Variants in GFRA1 observed in about 807,000 individuals in gnomAD.
GFRA1 encodes GDNF family receptor alpha-1.
GFRA1 carries 16 observed loss-of-function variants against 51.6 expected under a neutral mutation model. The observed-to-expected ratio is 0.31, with a 90% CI of 0.21 to 0.47. GFRA1 has a LOEUF of 0.47. Among genes scored for constraint, GFRA1 ranks in the 20% least tolerant of loss-of-function variants. GFRA1 has a pLI of 1.00. For missense variants in GFRA1, 530 were observed against 594.3 expected (o/e 0.89, Z 1.13); for synonymous variants, 270 against 241.3 (o/e 1.12, Z -1.10).
At chr10:116,117,593 A>ATGGATGGATGGG (rs1555152598) in intron 6 of GFRA1, among the ~76,000 whole-genome samples, 25 of 119,608 alleles carry the variant, frequency 2.1e-4, no homozygotes, top group African/African-American at 5.8e-4. Context: ...GGATGGATGG[A>ATGGATGGATGGG]TGGATGGGTG....
intron 5 of GFRA1, among the ~76,000 whole-genome samples, chr10:116,183,353 C>T (rs574323549): frequency 8.5e-4 from 129 of 152,330 alleles, no homozygotes; most frequent in Middle Eastern, 3.4e-3. Context: ...CTCACTGAGA[C>T]TTTAAATGTG....
chr10:116,234,057 C>T (rs1006849184), intron 4 of GFRA1, among the ~76,000 whole-genome samples: 4 of 152,140 alleles, frequency 2.6e-5, no homozygotes, highest in African/African-American at 9.7e-5. Context: ...CTTTGGGAGA[C>T]GGCTGAACTG....
chr10:116,084,979 C>T (rs1192334124), intron 9 of GFRA1, among the ~76,000 whole-genome samples: 1 of 152,212 alleles, frequency 6.6e-6, no homozygotes, highest in Non-Finnish European at 1.5e-5. Flanking sequence ...CTGTGCCATG[C>T]TTGTCACTAA....
intron 4 of GFRA1, among the ~76,000 whole-genome samples, chr10:116,237,516 T>C (rs1966969561): frequency 6.6e-6 from 1 of 151,236 alleles, no homozygotes; most frequent in African/African-American, 2.4e-5. Context: ...ATGATGCCTG[T>C]TATGCAGCAG....
chr10:116,087,995 A>G (rs1040513560), intron 9 of GFRA1, among the ~76,000 whole-genome samples: 13 of 152,082 alleles, frequency 8.5e-5, no homozygotes, highest in Non-Finnish European at 1.6e-4. Flanking sequence ...AGAAGTATGA[A>G]GCACATCTGT....
rs1168443247 is a variant in GFRA1 at position 116,096,701 on chromosome 10, T to C, written c.834A>G (p.Leu278=). ...QPESRSVSSC[L]KENYADCLLA... is the part of the protein sequence containing the mutation. The stretch of plus-strand genomic sequence containing the variant: ...GGAGGCAGTCAGCGTAGTTTTCCTT[T>C]AGACAGCTGCTGACAGACCTTGACT... Residue 278 remains leucine (L), a synonymous_variant, in exon 7 of 11, where the codon CTA becomes CTG. Transcript: ENST00000355422. The C allele has an allele frequency of 6.2e-7, 1 of 1,612,822 alleles. No homozygotes were observed. Among genetic ancestry groups the C allele is most frequent in the Admixed American group, 1.7e-5 (1 of 59,996 alleles).
chr10:116,163,134 AT>A (rs1247737103), intron 5 of GFRA1, among the ~76,000 whole-genome samples: 1 of 152,234 alleles, frequency 6.6e-6, no homozygotes. Flanking sequence ...GAACCTGTTC[AT>A]AAAGAAGGTC....
chr10:116,078,964 C>T (rs1005223551), intron 9 of GFRA1, among the ~76,000 whole-genome samples: 29 of 152,136 alleles, frequency 1.9e-4, no homozygotes, highest in Admixed American at 2.0e-4. Flanking sequence ...CTCCTCCGTC[C>T]TCAAAGCCAT....
chr10:116,232,042 T>A (rs755794170), intron 4 of GFRA1, among the ~76,000 whole-genome samples: 4 of 152,186 alleles, frequency 2.6e-5, no homozygotes, highest in Non-Finnish European at 5.9e-5. Context: ...ACTGATCATC[T>A]TCTTCTTCCT....
Position 116,085,316 on chromosome 10 carries a change from C to T in GFRA1, c.1197+4425G>A, listed in dbSNP as rs1198715612. Among the ~76,000 whole-genome samples the T allele has an allele frequency of 2.0e-5, 3 of 152,220 alleles. No individual in the cohort carries two copies. In the East Asian group the frequency reaches 5.8e-4, roughly 29 times the overall value. On this transcript the variant is annotated intron_variant, in intron 9 of 10. Transcript: ENST00000355422. ...ATGTTAAGACTGAAACTCAAGTCCCCAAGAGTTTTCTCATATTATTGTATA... is the reference window on the plus strand; with the variant it reads ...ATGTTAAGACTGAAACTCAAGTCCCTAAGAGTTTTCTCATATTATTGTATA...
intron 9 of GFRA1, among the ~76,000 whole-genome samples, chr10:116,069,925 C>T (rs963100218): frequency 3.9e-5 from 6 of 152,128 alleles, no homozygotes; most frequent in Non-Finnish European, 7.3e-5. Context: ...TGCACTCGCC[C>T]GGAGCCTGGC....
intron 4 of GFRA1, among the ~76,000 whole-genome samples, chr10:116,255,028 A>G (rs1336939025): frequency 6.6e-6 from 1 of 152,202 alleles, no homozygotes; most frequent in East Asian, 1.9e-4. Context: ...CACTTTCTCT[A>G]CAGACTGACA....
At chr10:116,134,602 A>G (rs1958243044) in intron 5 of GFRA1, among the ~76,000 whole-genome samples, 1 of 152,232 alleles carries the variant, frequency 6.6e-6, no homozygotes, top group Non-Finnish European at 1.5e-5. Flanking sequence ...TGTTTCAGAC[A>G]TATTGTATTA....
intron 4 of GFRA1, among the ~76,000 whole-genome samples, chr10:116,241,520 G>A (rs116094697): frequency 3.3e-3 from 502 of 152,280 alleles, no homozygotes; most frequent in African/African-American, 0.011. Flanking sequence ...GTGGTAGCTC[G>A]ATGAGCATTA....
chr10:116,064,812 G>T (rs1955020218), intron 10 of GFRA1, among the ~76,000 whole-genome samples: 1 of 152,150 alleles, frequency 6.6e-6, no homozygotes, highest in Non-Finnish European at 1.5e-5. Flanking sequence ...TCATTTTGGG[G>T]GAAGATATCT....
intron 4 of GFRA1, among the ~76,000 whole-genome samples, chr10:116,220,123 C>T (rs1327663036): frequency 6.6e-6 from 1 of 152,192 alleles, no homozygotes; most frequent in African/African-American, 2.4e-5. Context: ...TCATTCTTTG[C>T]AATTCACATA....
At chr10:116,189,654 C>A (rs993572325) in intron 5 of GFRA1, among the ~76,000 whole-genome samples, 4 of 152,090 alleles carry the variant, frequency 2.6e-5, no homozygotes, top group Non-Finnish European at 5.9e-5. Context: ...TGAATGAAAT[C>A]TCTTTTAAGC....
chr10:116,126,892 C>A (rs192047193), intron 5 of GFRA1, among the ~76,000 whole-genome samples: 206 of 152,270 alleles, frequency 1.4e-3, no homozygotes, highest in African/African-American at 4.8e-3. Context: ...CTAAAGGGCA[C>A]ACGGTATATT....
At chr10:116,251,447 C>T (rs769736599) in intron 4 of GFRA1, among the ~76,000 whole-genome samples, 1 of 152,120 alleles carries the variant, frequency 6.6e-6, no homozygotes, top group Non-Finnish European at 1.5e-5. Flanking sequence ...ACACCTCCCC[C>T]ACGAGACACT....
Sources: gnomAD v4.1 joint callset for allele counts (sites outside exome capture counted in the v4.1 genomes callset) on GRCh38, gnomAD v4.1.1 for gene constraint, MANE v1.5 for transcripts, NCBI Gene and HGNC (gene_info 2026-07-23, HGNC 2026-07-21) for gene names.